DNAJC5B: variants seen among roughly 807,000 people sequenced by gnomAD.
DNAJC5B encodes the protein DnaJ heat shock protein family (Hsp40) member C5 beta.
DNAJC5B carries 23 observed loss-of-function variants against 24.7 expected under a neutral mutation model. The observed-to-expected ratio is 0.93, with a 90% CI of 0.67 to 1.32. The LOEUF (loss-of-function observed/expected upper bound fraction) is 1.32. DNAJC5B is among the 40% of genes most tolerant of loss of function. The pLI, the probability that DNAJC5B is intolerant of heterozygous loss-of-function variation, is 0.00. For synonymous variants in DNAJC5B, 101 were observed against 90.1 expected (o/e 1.12, Z -0.68); for missense variants, 238 against 240.8 (o/e 0.99, Z 0.08).
chr8:66,085,725 A>G (rs1165791059), intron 5 of DNAJC5B, among the ~76,000 whole-genome samples: 2 of 152,106 alleles, frequency 1.3e-5, no homozygotes, highest in Non-Finnish European at 2.9e-5. Flanking sequence ...AAAATCAGGT[A>G]GTGTGATTCT....
At chr8:66,019,988 T>G (rs886771502), upstream of DNAJC5B, among the ~76,000 whole-genome samples, 2 of 152,354 alleles carry the variant, frequency 1.3e-5, no homozygotes, top group Admixed American at 1.3e-4. Context: ...AGGAAGTTAG[T>G]AAAGCAGTAT....
At chr8:66,066,671 A>T (rs915514566) in intron 3 of DNAJC5B, among the ~76,000 whole-genome samples, 1 of 152,130 alleles carries the variant, frequency 6.6e-6, no homozygotes, top group Non-Finnish European at 1.5e-5. Context: ...AAGCTAAGCT[A>T]TGGGTACACA....
intron 3 of DNAJC5B, chr8:66,057,924 A>C (rs560600309): frequency 6.6e-5 from 10 of 152,388 alleles, no homozygotes; most frequent in African/African-American, 2.2e-4. Context: ...GGCTAAAGGA[A>C]GTTCTTCGAA....
At chr8:66,098,350 G>T (rs2128967591) in intron 5 of DNAJC5B, among the ~76,000 whole-genome samples, 1 of 152,116 alleles carries the variant, frequency 6.6e-6, no homozygotes, top group Non-Finnish European at 1.5e-5. Flanking sequence ...CCACAGGTGT[G>T]TGCCACCACG....
chr8:66,089,462 A>C (rs1807799034), intron 5 of DNAJC5B, among the ~76,000 whole-genome samples: 1 of 152,190 alleles, frequency 6.6e-6, no homozygotes, highest in African/African-American at 2.4e-5. Context: ...TGAAATATCA[A>C]ATCCTTTCTT....
chr8:66,059,803 G>A (rs977009799), intron 3 of DNAJC5B, among the ~76,000 whole-genome samples: 2 of 152,192 alleles, frequency 1.3e-5, no homozygotes, highest in African/African-American at 4.8e-5. Context: ...CACAGTCACT[G>A]CTAGACATAA....
chr8:66,047,514 C>A (rs949613451), intron 2 of DNAJC5B, among the ~76,000 whole-genome samples: 1 of 152,118 alleles, frequency 6.6e-6, no homozygotes, highest in South Asian at 2.1e-4. Flanking sequence ...TCTCAGAAAA[C>A]CGTTTTATTT....
intron 2 of DNAJC5B, among the ~76,000 whole-genome samples, 175 bp from the exon 3 acceptor site, chr8:66,051,356 C>T (rs1366662739): frequency 6.6e-6 from 1 of 152,120 alleles, no homozygotes; most frequent in Non-Finnish European, 1.5e-5. Flanking sequence ...TCTTTAACAC[C>T]CTGATTCAGA....
intron 3 of DNAJC5B, among the ~76,000 whole-genome samples, chr8:66,073,493 G>T (rs1411527922): frequency 6.6e-6 from 1 of 151,988 alleles, no homozygotes; most frequent in Admixed American, 6.6e-5. Context: ...TCATGTGTGT[G>T]TGTGTGTGTG....
intron 3 of DNAJC5B, among the ~76,000 whole-genome samples, chr8:66,052,575 A>G (rs117359547): frequency 0.027 from 4,135 of 152,296 alleles, 95 homozygotes; most frequent in Non-Finnish European, 0.042. Flanking sequence ...ATCTTCTTCT[A>G]CACCGAAGTC....
intron 2 of DNAJC5B, among the ~76,000 whole-genome samples, chr8:66,049,571 T>C (rs1806800722): frequency 6.6e-6 from 1 of 152,212 alleles, no homozygotes; most frequent in South Asian, 2.1e-4. Context: ...CTCTATTATC[T>C]AGGTTTGTGT....
At chr8:66,082,352 G>A (rs1056343534) in intron 5 of DNAJC5B, among the ~76,000 whole-genome samples, 1 of 151,944 alleles carries the variant, frequency 6.6e-6, no homozygotes, top group Non-Finnish European at 1.5e-5. Context: ...CCCCAATCCA[G>A]TGTTTCACAC....
intron 5 of DNAJC5B, among the ~76,000 whole-genome samples, chr8:66,090,283 TAGAGAG>T (rs142117794): frequency 3.3e-5 from 4 of 122,120 alleles, no homozygotes; most frequent in Non-Finnish European, 3.7e-5. Context: ...GTGTGTGTGG[TAGAGAG>T]AGAGAGAGAG....
At chr8:66,081,972 T>C (rs1807605800) in intron 5 of DNAJC5B, among the ~76,000 whole-genome samples, 1 of 152,078 alleles carries the variant, frequency 6.6e-6, no homozygotes, top group African/African-American at 2.4e-5. Flanking sequence ...GGATTACAAG[T>C]AAATGGGTTA....
Position 66,080,612 on chromosome 8 carries a change from C to T in DNAJC5B, c.505+64C>T, listed in dbSNP as rs192091139. The stretch of plus-strand genomic sequence containing the variant: ...CATAGGCCTGAGCAAGCACCAGGTC[C>T]CACGGGGACAGCTATCACTATAGTA... On this transcript the variant is annotated intron_variant, in intron 5 of 5. Coordinates refer to ENST00000276570, the MANE Select transcript of DNAJC5B (RefSeq NM_033105.6). 90 of 1,402,766 alleles carry T rather than the reference C, an allele frequency of 6.4e-5. No homozygotes were observed. The East Asian group carries it at 1.8e-3, about 28-fold the overall frequency. The allele number at this position is 1,402,766 out of a possible 1,614,324, so 86.9% of individuals were successfully genotyped here.
Position 66,100,178 on chromosome 8 carries a change from T to C in DNAJC5B, c.*147T>C. 2 of 637,136 alleles carry C rather than the reference T, an allele frequency of 3.1e-6. No homozygotes were observed. The highest frequency in any genetic ancestry group is 5.2e-6 in the Non-Finnish European group (2 of 381,424). The allele number at this position is 637,136 out of a possible 1,614,324, so 39.5% of individuals were successfully genotyped here. A position where few individuals can be genotyped will look rare whatever the true frequency, so the allele number is the denominator to read the frequency against. On this transcript the variant is annotated 3_prime_UTR_variant, in exon 6 of 6. Coordinates refer to ENST00000276570, the MANE Select transcript of DNAJC5B (RefSeq NM_033105.6). Reference sequence around the variant, plus strand: ...GGGTTAGGAAAACATGATTGCTATATAATTTTCTCAGTATGCAGACTTTCT... The same window carrying C: ...GGGTTAGGAAAACATGATTGCTATACAATTTTCTCAGTATGCAGACTTTCT...
At position 66,100,777 on chromosome 8, in the gene DNAJC5B, C is replaced by A. The variant is rs1380260986; in HGVS notation, c.*746C>A. 6.6e-6 allele frequency among the ~76,000 whole-genome samples: 1 copy of A among 152,026 alleles called. No homozygotes were observed. Among genetic ancestry groups the A allele is most frequent in the Admixed American group, 6.6e-5 (1 of 15,258 alleles). On this transcript the variant is annotated 3_prime_UTR_variant, in exon 6 of 6. Transcript: ENST00000276570. Reference sequence around the variant, plus strand: ...TAAAATAATTTTTGTATAACTGGCTCAGATTAGCCAGACTAAGGGAAAAAA... The same window carrying A: ...TAAAATAATTTTTGTATAACTGGCTAAGATTAGCCAGACTAAGGGAAAAAA...
At chr8:66,040,639 C>T (rs2128957758) in intron 1 of DNAJC5B, among the ~76,000 whole-genome samples, 1 of 152,196 alleles carries the variant, frequency 6.6e-6, no homozygotes, top group East Asian at 1.9e-4. Flanking sequence ...AACAGCGGCT[C>T]TCGATCCAGG....
intron 2 of DNAJC5B, among the ~76,000 whole-genome samples, chr8:66,049,512 G>T (rs1217841038): frequency 6.6e-6 from 1 of 152,202 alleles, no homozygotes; most frequent in Non-Finnish European, 1.5e-5. Context: ...GTACAGGTTT[G>T]TAGTCTAGGA....
Sources: allele counts gnomAD v4.1 joint callset (sites outside exome capture counted in the v4.1 genomes callset), GRCh38; gene constraint gnomAD v4.1.1; transcripts MANE v1.5; gene names NCBI Gene and HGNC (gene_info 2026-07-23, HGNC 2026-07-21).